Variants in ITGAE observed in about 807,000 individuals in gnomAD.
The protein encoded by ITGAE is integrin subunit alpha E, also known as integrin alpha-E.
Under a neutral mutation model 136.5 loss-of-function variants are expected in ITGAE, and 99 were observed. The observed-to-expected ratio is 0.73, with a 90% CI of 0.62 to 0.86. ITGAE has a LOEUF of 0.86. Ranked by LOEUF, ITGAE falls within the 40% of genes least tolerant of loss-of-function variation. The probability of loss-of-function intolerance (pLI) is 0.00; values close to 1 mark genes in which losing one functional copy is unlikely to be tolerated. For synonymous variants in ITGAE, 613 were observed against 591.8 expected (o/e 1.04, Z -0.52); for missense variants, 1,447 against 1,515.3 (o/e 0.95, Z 0.75).
intron 29 of ITGAE, 94 bp downstream of exon 29, chr17:3,720,212 GA>G: frequency 3.0e-6 from 2 of 664,696 alleles, no homozygotes; most frequent in Non-Finnish European, 2.8e-6. Flanking sequence ...TGTTAAGGCT[GA>G]AAACAGGAAG....
intron 2 of ITGAE, among the ~76,000 whole-genome samples, chr17:3,771,297 G>A (rs370093349): frequency 6.6e-6 from 1 of 152,136 alleles, no homozygotes; most frequent in Admixed American, 6.6e-5. Context: ...CCGACGTAGC[G>A]GGGCACACAC....
rs924661480 is a variant in ITGAE, at chr17:3,798,665, G to C, written c.34+2446C>G. ...CCGAGTGCGTGCCACCAGCAGAGCG[G>C]GCCCTGGACTTCTGGTTCCTTCTTC... On this transcript the variant is annotated intron_variant, in intron 1 of 30. Transcript: ENST00000263087. The surrounding 1 kb of genome is among the most constrained non-coding windows in gnomAD (Gnocchi z 4.3). Among the ~76,000 whole-genome samples, 1 of 152,224 alleles carries C rather than the reference G, an allele frequency of 6.6e-6. No individual in the cohort carries two copies. Among genetic ancestry groups the C allele is most frequent in the Non-Finnish European group, 1.5e-5 (1 of 68,040 alleles).
At position 3,784,077 on chromosome 17, in the gene ITGAE, G is replaced by A. The variant is rs567573163; in HGVS notation, c.35-6417C>T. ...AGATCAAGACCATCCTGGCTAACAC[G>A]GTGAAACCCCGTCTCTACTAAAAAT... On this transcript the variant is annotated intron_variant, in intron 1 of 30. Transcript: ENST00000263087. 3.4e-3 allele frequency among the ~76,000 whole-genome samples: 524 copies of A among 152,134 alleles called. 3 individuals are homozygous for A. Among genetic ancestry groups the A allele is most frequent in the South Asian group, 0.015 (71 of 4,822 alleles).
chr17:3,760,030 A>G (rs928685635), intron 7 of ITGAE, 142 bp downstream of exon 7: 5 of 636,852 alleles, frequency 7.9e-6, no homozygotes, highest in Non-Finnish European at 1.4e-5. Flanking sequence ...AACTCCAGGC[A>G]AGATGGACAG....
chr17:3,725,065 A>C (rs2051175334), intron 26 of ITGAE: 1 of 1,614,238 alleles, frequency 6.2e-7, no homozygotes, highest in Non-Finnish European at 8.5e-7. Flanking sequence ...CCTTTACAGA[A>C]TGTCTGCTTT....
intron 28 of ITGAE, among the ~76,000 whole-genome samples, chr17:3,722,914 G>A (rs1017724675): frequency 3.3e-5 from 5 of 152,244 alleles, no homozygotes; most frequent in African/African-American, 9.6e-5. Context: ...AGGCAAGAAA[G>A]GCAGGCCGAA....
In ITGAE at chr17:3,761,901, G is replaced by T. The variant is rs757135260; in HGVS notation, c.315+14C>A. 6.2e-7 allele frequency: 1 copy of T among 1,612,024 alleles called. No homozygotes were observed. The highest frequency in any genetic ancestry group is 1.7e-5 in the Admixed American group (1 of 59,966). On this transcript the variant is annotated intron_variant, in intron 4 of 30. Coordinates refer to ENST00000263087, the MANE Select transcript of ITGAE (RefSeq NM_002208.5). ...CCTCCCTAAGGCCCTCCCTCCTCTCGCTCCTGCACTCACCAAAACACCGTG... is the reference window on the plus strand; with the variant it reads ...CCTCCCTAAGGCCCTCCCTCCTCTCTCTCCTGCACTCACCAAAACACCGTG...
chr17:3,775,603 G>C (rs1018766208), intron 2 of ITGAE, among the ~76,000 whole-genome samples: 16 of 150,632 alleles, frequency 1.1e-4, no homozygotes, highest in Admixed American at 1.1e-3. Context: ...GGGATTACAG[G>C]CGCCCGCCAC....
intron 1 of ITGAE, among the ~76,000 whole-genome samples, chr17:3,787,400 C>A (rs2052826411): frequency 6.6e-6 from 1 of 152,090 alleles, no homozygotes; most frequent in African/African-American, 2.4e-5. Context: ...GCATGAGCCA[C>A]CATGCCCGGC....
intron 28 of ITGAE, among the ~76,000 whole-genome samples, chr17:3,721,117 T>G (rs901149132): frequency 2.0e-5 from 3 of 151,876 alleles, no homozygotes; most frequent in African/African-American, 7.3e-5. Context: ...TTTGTAGAGA[T>G]GGGGTTTTAC....
intron 26 of ITGAE, chr17:3,724,959 C>A (rs1305308386): frequency 6.2e-7 from 1 of 1,614,128 alleles, no homozygotes; most frequent in Admixed American, 1.7e-5. Context: ...GAAGAGCAAA[C>A]ATCAGGAGGC....
intron 1 of ITGAE, among the ~76,000 whole-genome samples, chr17:3,788,671 T>C (rs953277376): frequency 6.8e-6 from 1 of 147,922 alleles, no homozygotes; most frequent in Non-Finnish European, 1.5e-5. Flanking sequence ...TTTTTCTGTA[T>C]GTTGTACTTT....
At chr17:3,715,479 G>A (rs2050924493) in intron 30 of ITGAE, among the ~76,000 whole-genome samples, 2 of 152,208 alleles carry the variant, frequency 1.3e-5, no homozygotes, top group Admixed American at 1.3e-4. Context: ...GAAGTGAGCA[G>A]TCATGGAGGG....
At position 3,743,536 on chromosome 17, in the gene ITGAE, G is replaced by A. The variant is rs1489828564; in HGVS notation, c.2401C>T (p.Pro801Ser). ...GTGTAGCGGTCCAGGATGGGCTGGG[G>A]ATGGTCCGTCTGTCCCTCAGGGGTC... ...LQTPEGQTDH[P>S]QPILDRYTEP... Residue 801 changes from proline to serine, a missense_variant, in exon 19 of 31, where the codon CCC becomes TCC. Transcript: ENST00000263087. 1.2e-6 allele frequency: 2 copies of A among 1,611,916 alleles called. No individual in the cohort carries two copies. The highest frequency in any genetic ancestry group is 1.1e-5 in the South Asian group (1 of 90,840).
intron 2 of ITGAE, among the ~76,000 whole-genome samples, chr17:3,768,565 G>T (rs921460629): frequency 6.6e-6 from 1 of 152,142 alleles, no homozygotes; most frequent in Non-Finnish European, 1.5e-5. Context: ...CCACGGCACT[G>T]TTCCCTCCAC....
chr17:3,744,328 T>C (rs1372295801), intron 18 of ITGAE, among the ~76,000 whole-genome samples: 4 of 152,150 alleles, frequency 2.6e-5, no homozygotes, highest in South Asian at 2.1e-4. Context: ...TCCTTCATTC[T>C]ACTACGGTTT....
intron 27 of ITGAE, 39 bp from the exon 28 acceptor site, chr17:3,723,422 T>C: frequency 2.8e-6 from 4 of 1,431,696 alleles, no homozygotes; most frequent in Non-Finnish European, 3.9e-6. Flanking sequence ...TTCCTTTCCG[T>C]GCGGAAAGTC....
At chr17:3,725,180 C>T (rs140257378) in intron 26 of ITGAE, 41 of 1,614,030 alleles carry the variant, frequency 2.5e-5, no homozygotes, top group Middle Eastern at 1.6e-4. Context: ...TCTCTGGATC[C>T]CTCCTATCAG....
chr17:3,733,909 A>C (rs999984572), intron 21 of ITGAE, among the ~76,000 whole-genome samples: 1 of 152,230 alleles, frequency 6.6e-6, no homozygotes, highest in Non-Finnish European at 1.5e-5. Context: ...CTTCCTGGGA[A>C]ACCATTAATA....
Sources: gnomAD v4.1 joint callset for allele counts (sites outside exome capture counted in the v4.1 genomes callset) on GRCh38, gnomAD v4.1.1 for gene constraint, Gnocchi (gnomAD v3.1) non-coding constraint, MANE v1.5 for transcripts, NCBI Gene and HGNC (gene_info 2026-07-23, HGNC 2026-07-21) for gene names.